The following CFAP46 variants were observed in gnomAD, a reference collection of about 807,000 sequenced individuals.
CFAP46 encodes cilia- and flagella-associated protein 46.
CFAP46 carries 245 observed loss-of-function variants against 325.7 expected under a neutral mutation model. That is an observed-to-expected ratio of 0.75 (90% confidence interval 0.68 to 0.84). The LOEUF is 0.84. Ranked by LOEUF, CFAP46 falls within the 40% of genes least tolerant of loss-of-function variation. The pLI is 0.00. For synonymous variants in CFAP46, 1,523 were observed against 1,495.9 expected, an observed-to-expected ratio of 1.02 and a Z score of -0.42; for missense variants, 3,346 against 3,543.0, an observed-to-expected ratio of 0.94 and a Z score of 1.41.
intron 44 of CFAP46, 70 bp from the exon 45 acceptor site, chr10:132,836,984 A>T (rs908474322): frequency 8.2e-7 from 1 of 1,216,236 alleles, no homozygotes; most frequent in African/African-American, 1.5e-5. Context: ...TGTTCCCCTC[A>T]TTTCCAGGAG....
intron 44 of CFAP46, among the ~76,000 whole-genome samples, chr10:132,840,039 A>G (rs1193790708): frequency 7.9e-6 from 1 of 126,514 alleles, no homozygotes; most frequent in African/African-American, 2.8e-5. Flanking sequence ...ATGAGTTTTC[A>G]GAGGTTATTT....
At chr10:132,849,389 G>T (rs1848497069) in intron 41 of CFAP46, among the ~76,000 whole-genome samples, 1 of 152,206 alleles carries the variant, frequency 6.6e-6, no homozygotes, top group African/African-American at 2.4e-5. Context: ...TGGGGGGATT[G>T]CCCTGGGCAT....
intron 22 of CFAP46, among the ~76,000 whole-genome samples, chr10:132,906,480 G>A (rs568245054): frequency 1.3e-5 from 2 of 151,150 alleles, no homozygotes; most frequent in South Asian, 4.2e-4. Context: ...CCTGGGCACT[G>A]AGAAGAGTGA....
Position 132,877,770 on chromosome 10 carries a change from G to C in CFAP46, c.4212+111C>G. ...TGAGGCACAGGCCATCCCGGGCCCG[G>C]CCTCTGCACTGAGGCCGCCTGGGGC... On this transcript the variant is annotated intron_variant, in intron 30 of 57. Coordinates refer to ENST00000368586, the MANE Select transcript of CFAP46 (RefSeq NM_001200049.3). This position sits in a 1 kb window ranked among gnomAD's most constrained non-coding sequence, Gnocchi z 5.7. 1 of 1,164,510 alleles carries C rather than the reference G, an allele frequency of 8.6e-7. No homozygotes were observed. Among genetic ancestry groups the C allele is most frequent in the Non-Finnish European group, 1.2e-6 (1 of 823,922 alleles). The allele number at this position is 1,164,510 out of a possible 1,614,324, so 72.1% of individuals were successfully genotyped here. A position where few individuals can be genotyped will look rare whatever the true frequency, so the allele number is the denominator to read the frequency against.
intron 41 of CFAP46, among the ~76,000 whole-genome samples, chr10:132,848,587 C>T (rs1468597592): frequency 2.6e-5 from 4 of 152,210 alleles, no homozygotes; most frequent in African/African-American, 7.2e-5. Flanking sequence ...AACACACCCA[C>T]AGCTGCACAA....
At chr10:132,834,199 G>C (rs1026569570) in intron 48 of CFAP46, 76 bp from the exon 49 acceptor site, 1 of 1,364,310 alleles carries the variant, frequency 7.3e-7, no homozygotes, top group African/African-American at 1.4e-5. Flanking sequence ...CACCTGCTCA[G>C]CCTGTTTCAC....
intron 52 of CFAP46, 26 bp from the exon 53 acceptor site, chr10:132,814,638 G>A (rs1847654211): frequency 1.3e-6 from 2 of 1,580,898 alleles, no homozygotes; most frequent in African/African-American, 1.3e-5. Flanking sequence ...GGAGAAACGG[G>A]AGCACAGGGC....
At position 132,833,465 on chromosome 10, in the gene CFAP46, T is replaced by C; in HGVS notation, c.7010A>G (p.Glu2337Gly). Residue 2337 changes from glutamate (E) to glycine (G), a missense_variant, in exon 50 of 58, where the codon GAG (glutamate) becomes GGG (glycine). Physicochemically the swap from Glu to Gly is moderately conservative, Grantham distance 98. Transcript: ENST00000368586. ...IVLVADRHLL[E>G]LPLEGLSVFD... is the part of the protein sequence containing the mutation. ...CACAGAGAGACCTTCCAGTGGCAGC[T>C]CCAGGAGATGTCTGTCTGCGACCAG... The C allele has an allele frequency of 1.2e-6, 2 of 1,614,088 alleles. No homozygotes were observed. The highest frequency in any genetic ancestry group is 1.7e-6 in the Non-Finnish European group (2 of 1,180,024).
Position 132,809,309 on chromosome 10 carries a change from C to T in CFAP46, c.7665-405G>A, listed in dbSNP as rs975301932. ...AGGGACCAGAACTTGCAGGTCATCGCTGAGCAGCAGCAGCGGGACAGCCAG... is the reference window on the plus strand; with the variant it reads ...AGGGACCAGAACTTGCAGGTCATCGTTGAGCAGCAGCAGCGGGACAGCCAG... On this transcript the variant is annotated intron_variant, in intron 57 of 57. Coordinates refer to ENST00000368586, the MANE Select transcript of CFAP46 (RefSeq NM_001200049.3). 2.0e-5 allele frequency among the ~76,000 whole-genome samples: 3 copies of T among 152,182 alleles called. No homozygotes were observed. The East Asian group carries it at 5.8e-4, about 29-fold the overall frequency.
intron 44 of CFAP46, among the ~76,000 whole-genome samples, chr10:132,840,298 A>T (rs1272180855): frequency 2.0e-5 from 3 of 152,206 alleles, no homozygotes; most frequent in Admixed American, 6.5e-5. Context: ...GCATCATCTC[A>T]GGGATGGGTC....
chr10:132,820,267 G>A (rs1847767883), intron 50 of CFAP46, among the ~76,000 whole-genome samples: 1 of 152,266 alleles, frequency 6.6e-6, no homozygotes, highest in Admixed American at 6.5e-5. Context: ...GAAGGCCAGA[G>A]GCTGCATGAT....
In CFAP46 at chr10:132,899,589, T is replaced by G. The variant is rs1328949237; in HGVS notation, c.3002A>C (p.Lys1001Thr). ...IQGRSIMENLKGRKQLRLVAA... is the reference protein window; with the variant it reads ...IQGRSIMENLTGRKQLRLVAA... Reference sequence around the variant, plus strand: ...CACCAGTCGCAGCTGCTTCCGGCCCTTCAGGTTTTCCATGATGCTCCTGCC... The same window carrying G: ...CACCAGTCGCAGCTGCTTCCGGCCCGTCAGGTTTTCCATGATGCTCCTGCC... Residue 1001 changes from lysine (K) to threonine (T), a missense_variant, in exon 23 of 58, where the codon AAG becomes ACG. Physicochemically the swap from Lys to Thr is moderately conservative, Grantham distance 78 (BLOSUM62 -1). Coordinates refer to ENST00000368586, the MANE Select transcript of CFAP46 (RefSeq NM_001200049.3). The G allele has an allele frequency of 1.9e-6, 3 of 1,549,802 alleles. No homozygotes were observed. The African/African-American group carries it at 4.1e-5, about 21-fold the overall frequency.
At chr10:132,924,606 G>T in intron 11 of CFAP46, 90 bp downstream of exon 11, 1 of 1,270,626 alleles carries the variant, frequency 7.9e-7, no homozygotes, top group Non-Finnish European at 1.0e-6. Context: ...GCACTGTCAT[G>T]GCAAGGGGGC....
intron 22 of CFAP46, among the ~76,000 whole-genome samples, chr10:132,907,062 G>A (rs1849467202): frequency 6.6e-6 from 1 of 152,280 alleles, no homozygotes; most frequent in Admixed American, 6.5e-5. Flanking sequence ...CCCCACGGGT[G>A]TGGCCGACAC....
intron 24 of CFAP46, among the ~76,000 whole-genome samples, chr10:132,897,501 G>C (rs970274390): frequency 1.3e-5 from 2 of 152,242 alleles, no homozygotes; most frequent in Non-Finnish European, 2.9e-5. Context: ...ATCTAGGTCA[G>C]CCAGGACTCT....
rs140904273 is a variant in CFAP46, at chr10:132,808,823, A to T, written c.7746T>A (p.Pro2582=). 1.7e-3 allele frequency: 2,805 copies of T among 1,607,390 alleles called. 1 individual carries two copies. The highest frequency in any genetic ancestry group is 2.4e-3 in the Admixed American group (140 of 59,554). ...RAPSHHAQLG[P]VWAAAPSHRV... is the part of the protein sequence containing the mutation. ...GATGGCTTGGTGCGGCAGCCCATAC[A>T]GGACCAAGTTGAGCGTGGTGGGAAG... is the stretch of plus-strand genomic sequence containing the variant. The change falls in exon 58 of 58, where the codon CCT becomes CCA. Residue 2582 remains proline, a synonymous_variant. Coordinates refer to ENST00000368586, the MANE Select transcript of CFAP46 (RefSeq NM_001200049.3). The surrounding 1 kb of genome is among the most constrained non-coding windows in gnomAD (Gnocchi z 6.8).
Position 132,835,198 on chromosome 10 carries a change from C to T in CFAP46, c.6744+106G>A, listed in dbSNP as rs533924142. The T allele has an allele frequency of 7.5e-6, 11 of 1,462,820 alleles. No individual in the cohort carries two copies. The South Asian group carries it at 1.5e-4, about 20-fold the overall frequency. 90.6% of individuals were successfully genotyped at this position (1,462,820 alleles called of 1,614,324 possible). A position where few individuals can be genotyped will look rare whatever the true frequency, so the allele number is the denominator to read the frequency against. On this transcript the variant is annotated intron_variant, in intron 47 of 57. Transcript: ENST00000368586. Reference sequence around the variant, plus strand: ...TGGGATGGCCCAAGCCCTTCAGCAGCCTGGCCTAGCGCCCCGCCCCTCCCC... The same window carrying T: ...TGGGATGGCCCAAGCCCTTCAGCAGTCTGGCCTAGCGCCCCGCCCCTCCCC...
intron 10 of CFAP46, among the ~76,000 whole-genome samples, chr10:132,925,684 A>C (rs771507348): frequency 3.9e-5 from 6 of 152,268 alleles, no homozygotes; most frequent in Non-Finnish European, 8.8e-5. Flanking sequence ...CTCCCGCGAG[A>C]AGCTCAGCCC....
At chr10:132,861,389 T>C (rs1204273852) in intron 35 of CFAP46, among the ~76,000 whole-genome samples, 1 of 152,196 alleles carries the variant, frequency 6.6e-6, no homozygotes, top group Non-Finnish European at 1.5e-5. Flanking sequence ...TTCGGGGGGA[T>C]TTGTCTCCCT....
Sources: gnomAD v4.1 joint callset for allele counts (sites outside exome capture counted in the v4.1 genomes callset) on GRCh38, gnomAD v4.1.1 for gene constraint, Gnocchi (gnomAD v3.1) non-coding constraint, MANE v1.5 for transcripts, NCBI Gene and HGNC (gene_info 2026-07-23, HGNC 2026-07-21) for gene names.